The following LRRC7 variants were observed in gnomAD, a reference collection of about 807,000 sequenced individuals.
LRRC7 encodes leucine rich repeat containing 7, also known as leucine-rich repeat-containing protein 7.
Under a neutral mutation model 175.7 loss-of-function variants are expected in LRRC7, and 23 were observed. The observed-to-expected ratio is 0.13, with a 90% CI of 0.09 to 0.19. The LOEUF (loss-of-function observed/expected upper bound fraction) is 0.19. Among genes scored for constraint, LRRC7 ranks in the 10% least tolerant of loss-of-function variants. LRRC7 has a pLI of 1.00. For missense variants in LRRC7, 1,354 were observed against 1,904.7 expected, an observed-to-expected ratio of 0.71 and a Z score of 5.38; for synonymous variants, 685 against 680.9, an observed-to-expected ratio of 1.01 and a Z score of -0.09.
rs980271046 is a variant in LRRC7, at chr1:70,141,527, G to A, written c.*19640G>A. ...GAACTGTTTGTCAGAAATTAAACAG[G>A]ACTTATTTGAATGTGCTTTAAAAAA... On this transcript the variant is annotated 3_prime_UTR_variant, in exon 27 of 27. Transcript: ENST00000651989. 1 of 151,766 alleles carries A rather than the reference G, an allele frequency of 6.6e-6. No individual in the cohort carries two copies. Among genetic ancestry groups the A allele is most frequent in the Non-Finnish European group, 1.5e-5 (1 of 67,918 alleles). The allele number at this position is 151,766 out of a possible 1,614,324, so 9.4% of individuals were successfully genotyped here.
rs1006386552 is a variant in LRRC7 at position 70,079,306 on chromosome 1, A to T, written c.4452+3008A>T. 2.8e-4 allele frequency among the ~76,000 whole-genome samples: 42 copies of T among 152,332 alleles called. 1 individual carries two copies. The highest frequency in any genetic ancestry group is 9.4e-4 in the African/African-American group (39 of 41,580). ...CATATAAATCAAAACAGTCTATTTT[A>T]ATAAGACATTTCTAGTGGTGCTATA... On this transcript the variant is annotated intron_variant, in intron 24 of 26. Transcript: ENST00000651989.
At chr1:69,596,802 A>G (rs766570509) in intron 1 of LRRC7, among the ~76,000 whole-genome samples, 1 of 152,212 alleles carries the variant, frequency 6.6e-6, no homozygotes, top group Non-Finnish European at 1.5e-5. Context: ...TTCACCCACA[A>G]GTGGACTTTA....
At chr1:70,013,921 T>C (rs1330414753) in intron 13 of LRRC7, 1 of 152,064 alleles carries the variant, frequency 6.6e-6, no homozygotes, top group Non-Finnish European at 1.5e-5. Context: ...AGTTTCAGGA[T>C]AAGCATTGGA....
chr1:69,691,412 T>G (rs1661842136), intron 2 of LRRC7, among the ~76,000 whole-genome samples: 1 of 152,184 alleles, frequency 6.6e-6, no homozygotes, highest in Admixed American at 6.5e-5. Context: ...CGCATCCTAT[T>G]TATCTGTCTG....
intron 23 of LRRC7, 55 bp downstream of exon 23, chr1:70,053,200 A>G: frequency 7.1e-7 from 1 of 1,417,780 alleles, no homozygotes; most frequent in Non-Finnish European, 9.4e-7. Context: ...ATCTACTGCA[A>G]TATATAATAA....
chr1:69,569,641 A>G (rs562954866), intron 1 of LRRC7, among the ~76,000 whole-genome samples: 29 of 152,016 alleles, frequency 1.9e-4, no homozygotes, highest in Non-Finnish European at 3.4e-4. Flanking sequence ...TGACTTCATA[A>G]TAACGGAGAT....
intron 4 of LRRC7, among the ~76,000 whole-genome samples, chr1:69,810,560 G>C (rs1296755962): frequency 2.6e-5 from 4 of 152,166 alleles, no homozygotes; most frequent in Admixed American, 1.3e-4. Flanking sequence ...GCATGATACT[G>C]GTACCAAAAC....
In LRRC7 at chr1:70,142,496, G is replaced by C. The variant is rs562670871; in HGVS notation, c.*20609G>C. ...AGTTTTTGTTTGAAGAGCCAATCAAGTTTCTCTTTGTACTCAGTAGGGACT... is the reference window on the plus strand; with the variant it reads ...AGTTTTTGTTTGAAGAGCCAATCAACTTTCTCTTTGTACTCAGTAGGGACT... On this transcript the variant is annotated 3_prime_UTR_variant, in exon 27 of 27. Coordinates refer to ENST00000651989, the MANE Select transcript of LRRC7 (RefSeq NM_001370785.2). The C allele has an allele frequency of 6.6e-6, 1 of 152,190 alleles. No homozygotes were observed. Among genetic ancestry groups the C allele is most frequent in the East Asian group, 1.9e-4 (1 of 5,178 alleles). The allele number at this position is 152,190 out of a possible 1,614,324, so 9.4% of individuals were successfully genotyped here.
At chr1:69,819,247 G>A (rs532620546) in intron 4 of LRRC7, among the ~76,000 whole-genome samples, 177 of 151,734 alleles carry the variant, frequency 1.2e-3, no homozygotes, top group African/African-American at 4.2e-3. Flanking sequence ...ATAAGTTTTG[G>A]TATGTTGTAT....
chr1:69,921,209 C>T (rs1646878341), intron 7 of LRRC7, among the ~76,000 whole-genome samples: 1 of 151,910 alleles, frequency 6.6e-6, no homozygotes, highest in African/African-American at 2.4e-5. Context: ...TTAAGTCATG[C>T]AAAAGGAAGA....
At chr1:70,083,401 G>A (rs1663369797) in intron 24 of LRRC7, among the ~76,000 whole-genome samples, 2 of 152,082 alleles carry the variant, frequency 1.3e-5, no homozygotes, top group South Asian at 2.1e-4. Context: ...TAAAACTGCT[G>A]TTATATAATA....
chr1:69,808,930 G>A (rs752464007), intron 4 of LRRC7, among the ~76,000 whole-genome samples: 5 of 151,990 alleles, frequency 3.3e-5, no homozygotes, highest in Non-Finnish European at 7.4e-5. Context: ...TAAGATAAGA[G>A]CAGAACTGAA....
intron 23 of LRRC7, among the ~76,000 whole-genome samples, chr1:70,061,411 G>A (rs2102085207): frequency 6.6e-6 from 1 of 152,156 alleles, no homozygotes; most frequent in East Asian, 1.9e-4. Flanking sequence ...GTGTCAAGCA[G>A]TATAAAGGCT....
chr1:69,904,002 G>A (rs753627442), intron 7 of LRRC7, among the ~76,000 whole-genome samples: 7 of 151,980 alleles, frequency 4.6e-5, no homozygotes, highest in South Asian at 2.1e-4. Context: ...TGAAATTGAG[G>A]CAATAATTAA....
At chr1:69,774,617 A>G (rs2100996915) in intron 3 of LRRC7, among the ~76,000 whole-genome samples, 1 of 152,330 alleles carries the variant, frequency 6.6e-6, no homozygotes, top group African/African-American at 2.4e-5. Context: ...ATCTATGTGT[A>G]TTCTGTAACA....
intron 1 of LRRC7, among the ~76,000 whole-genome samples, chr1:69,604,083 C>A (rs978128149): frequency 7.9e-5 from 12 of 151,720 alleles, no homozygotes; most frequent in Non-Finnish European, 2.9e-5. Context: ...ATTTTGTTTC[C>A]TTTTCTTCGG....
At chr1:69,984,861 G>A (rs1653787403) in intron 9 of LRRC7, among the ~76,000 whole-genome samples, 1 of 152,130 alleles carries the variant, frequency 6.6e-6, no homozygotes. Context: ...ATAAAATAGA[G>A]TTTGCATTTC....
At chr1:69,976,098 AG>A (rs1316386073) in intron 8 of LRRC7, among the ~76,000 whole-genome samples, 1 of 152,110 alleles carries the variant, frequency 6.6e-6, no homozygotes, top group Non-Finnish European at 1.5e-5. Context: ...GCTCACTGTA[AG>A]ATAGTTATCA....
rs76938701 is a variant in LRRC7, at chr1:69,710,893, G to C, written c.100+32415G>C. On this transcript the variant is annotated intron_variant, in intron 2 of 26. Transcript: ENST00000651989. ...ATAACCAGAACTTAGTCTCAGTTTG[G>C]AACTCTCTTTTCCCTTTTAGTTTAT... Among the ~76,000 whole-genome samples, 641 of 152,192 alleles carry C rather than the reference G, an allele frequency of 4.2e-3. 10 individuals carry two copies. The highest frequency in any genetic ancestry group is 0.015 in the African/African-American group (617 of 41,534).
Sources: gnomAD v4.1 joint callset for allele counts (sites outside exome capture counted in the v4.1 genomes callset) on GRCh38, gnomAD v4.1.1 for gene constraint, MANE v1.5 for transcripts, NCBI Gene and HGNC (gene_info 2026-07-23, HGNC 2026-07-21) for gene names.